NR3C2: variants seen among roughly 807,000 people sequenced by gnomAD.
NR3C2 encodes the protein nuclear receptor subfamily 3 group C member 2.
In NR3C2, 15 loss-of-function variants were observed where a neutral mutation model predicts 86.4. The ratio of observed to expected loss-of-function variants is 0.17; its 90% CI spans 0.12 to 0.27. The LOEUF is 0.27. Among genes scored for constraint, NR3C2 ranks in the 10% least tolerant of loss-of-function variants. NR3C2 has a pLI of 1.00. For synonymous variants in NR3C2, 458 were observed against 450.5 expected (o/e 1.02, Z -0.21); for missense variants, 960 against 1,195.6 (o/e 0.80, Z 2.91).
intron 2 of NR3C2, among the ~76,000 whole-genome samples, chr4:148,407,569 G>A (rs1248400941): frequency 6.6e-6 from 1 of 152,006 alleles, no homozygotes; most frequent in African/African-American, 2.4e-5. Flanking sequence ...ACTGAGACAG[G>A]ATTTCAGTCG....
At chr4:148,274,087 GAA>G (rs550801399) in intron 2 of NR3C2, among the ~76,000 whole-genome samples, 3 of 108,870 alleles carry the variant, frequency 2.8e-5, no homozygotes, top group Non-Finnish European at 2.0e-5. Context: ...CAGCTCATGA[GAA>G]AAAAAAAAAA....
At chr4:148,182,127 AAAG>A (rs1210316765) in intron 4 of NR3C2, among the ~76,000 whole-genome samples, 1 of 152,266 alleles carries the variant, frequency 6.6e-6, no homozygotes. Context: ...AAGAGATAGT[AAAG>A]AAGAAGGCGG....
chr4:148,083,527 T>G (rs1730674351), intron 8 of NR3C2, among the ~76,000 whole-genome samples: 1 of 152,182 alleles, frequency 6.6e-6, no homozygotes, highest in Non-Finnish European at 1.5e-5. Context: ...AAACCTCATC[T>G]GAAGGCCACC....
intron 8 of NR3C2, among the ~76,000 whole-genome samples, chr4:148,100,541 T>A (rs1731489733): frequency 6.6e-6 from 1 of 152,198 alleles, no homozygotes; most frequent in Non-Finnish European, 1.5e-5. Flanking sequence ...AGCATGAAGA[T>A]GAGCACTAAA....
chr4:148,324,466 G>A (rs1364849296), intron 2 of NR3C2, among the ~76,000 whole-genome samples: 1 of 151,954 alleles, frequency 6.6e-6, no homozygotes, highest in Admixed American at 6.6e-5. Context: ...CTTGGCTACT[G>A]TGAATAATGC....
chr4:148,187,023 T>C (rs1274827032), intron 4 of NR3C2, among the ~76,000 whole-genome samples: 1 of 112,824 alleles, frequency 8.9e-6, no homozygotes, highest in Non-Finnish European at 1.8e-5. Flanking sequence ...TATATATATA[T>C]ATATATATAT....
chr4:148,384,376 G>A (rs991709585), intron 2 of NR3C2, among the ~76,000 whole-genome samples: 2 of 151,966 alleles, frequency 1.3e-5, no homozygotes, highest in Non-Finnish European at 2.9e-5. Context: ...TCTTTGTCCA[G>A]AAGAGAGTAT....
chr4:148,293,597 A>C (rs1235699788), intron 2 of NR3C2, among the ~76,000 whole-genome samples: 4 of 152,124 alleles, frequency 2.6e-5, no homozygotes, highest in Non-Finnish European at 5.9e-5. Context: ...TACAATCACA[A>C]CTGGTCTTGC....
At chr4:148,434,770 A>T (rs1329950156) in intron 2 of NR3C2, among the ~76,000 whole-genome samples, 1 of 152,234 alleles carries the variant, frequency 6.6e-6, no homozygotes, top group Non-Finnish European at 1.5e-5. Context: ...AGGAAAAAAA[A>T]TCTAGTACTG....
chr4:148,106,041 G>A (rs1421272929), intron 8 of NR3C2, among the ~76,000 whole-genome samples: 3 of 152,126 alleles, frequency 2.0e-5, no homozygotes, highest in Non-Finnish European at 2.9e-5. Context: ...AAGATATAAA[G>A]GGTATTCAAA....
intron 2 of NR3C2, among the ~76,000 whole-genome samples, chr4:148,261,223 T>C (rs1167125269): frequency 6.6e-6 from 1 of 150,886 alleles, no homozygotes; most frequent in Non-Finnish European, 1.5e-5. Context: ...GTAAGCCCTA[T>C]GGTGCACTAT....
chr4:148,227,884 A>T (rs762224785), intron 3 of NR3C2, among the ~76,000 whole-genome samples: 15 of 152,154 alleles, frequency 9.9e-5, no homozygotes, highest in South Asian at 2.1e-4. Flanking sequence ...CTGCTCCAAG[A>T]TCATTTGTAT....
At chr4:148,366,441 T>A (rs4301087) in intron 2 of NR3C2, among the ~76,000 whole-genome samples, 10,561 of 63,304 alleles carry the variant, frequency 0.17, 322 homozygotes, top group African/African-American at 0.27. Context: ...AATACTTTTT[T>A]AAAAGTACTT....
At chr4:148,175,185 A>C (rs1735316607) in intron 4 of NR3C2, among the ~76,000 whole-genome samples, 1 of 152,186 alleles carries the variant, frequency 6.6e-6, no homozygotes, top group Non-Finnish European at 1.5e-5. Context: ...AACACACACA[A>C]AAAAACAACT....
chr4:148,373,252 T>A (rs1388655848), intron 2 of NR3C2, among the ~76,000 whole-genome samples: 1 of 152,182 alleles, frequency 6.6e-6, no homozygotes. Flanking sequence ...CTACCAATTG[T>A]TTAAGCCTTG....
chr4:148,434,060 T>C (rs1422956404), intron 2 of NR3C2, among the ~76,000 whole-genome samples: 1 of 152,178 alleles, frequency 6.6e-6, no homozygotes, highest in African/African-American at 2.4e-5. Flanking sequence ...GCCACAGCAA[T>C]ACATGTAAAC....
At chr4:148,360,254 A>G in intron 2 of NR3C2, among the ~76,000 whole-genome samples, 1 of 152,310 alleles carries the variant, frequency 6.6e-6, no homozygotes, top group South Asian at 2.1e-4. Context: ...TATAATTGAC[A>G]TTATTAATTT....
At chr4:148,433,010 T>C (rs1362490879) in intron 2 of NR3C2, among the ~76,000 whole-genome samples, 2 of 152,170 alleles carry the variant, frequency 1.3e-5, no homozygotes, top group Non-Finnish European at 2.9e-5. Flanking sequence ...CCCTGTTGAC[T>C]GTATTAACAA....
intron 6 of NR3C2, among the ~76,000 whole-genome samples, chr4:148,127,764 T>C (rs941443298): frequency 7.9e-5 from 12 of 152,198 alleles, no homozygotes; most frequent in Non-Finnish European, 1.2e-4. Context: ...AAATGAATAA[T>C]AGTTCTAAAA....
Sources: allele counts gnomAD v4.1 joint callset (sites outside exome capture counted in the v4.1 genomes callset), GRCh38; gene constraint gnomAD v4.1.1; transcripts MANE v1.5; gene names NCBI Gene and HGNC (gene_info 2026-07-23, HGNC 2026-07-21).